FAF2: variants seen among roughly 807,000 people sequenced by gnomAD.
The protein encoded by FAF2 is Fas associated factor family member 2.
A neutral mutation model predicts 62.3 loss-of-function variants in FAF2; 9 were observed. The ratio of observed to expected loss-of-function variants is 0.14; its 90% CI spans 0.09 to 0.25. The LOEUF (loss-of-function observed/expected upper bound fraction) is 0.25, where lower values mean the gene tolerates loss of function less well. FAF2 is among the 10% of genes least tolerant of loss of function. The probability of loss-of-function intolerance (pLI) is 1.00; values close to 1 mark genes in which losing one functional copy is unlikely to be tolerated. For missense variants in FAF2, 368 were observed against 556.2 expected (o/e 0.66, Z 3.40); for synonymous variants, 202 against 198.0 (o/e 1.02, Z -0.17).
rs1345654568 is a variant in FAF2, at chr5:176,494,187, C to T, written c.573C>T (p.Asn191=). 4 of 1,613,892 alleles carry T rather than the reference C, an allele frequency of 2.5e-6. No individual in the cohort carries two copies. The highest frequency in any genetic ancestry group is 4.5e-5 in the East Asian group (2 of 44,886). ...DHQDSDEFCR[N]TLCAPEVISL... ...TCCTTTTCATACCTTTCCACAGCAA[C>T]ACACTCTGTGCACCTGAAGTTATTT... The change falls in exon 7 of 11, where the codon AAC becomes AAT. Residue 191 remains asparagine, a synonymous_variant. Coordinates refer to ENST00000261942, the MANE Select transcript of FAF2 (RefSeq NM_014613.3). This position sits in a 1 kb window ranked among gnomAD's most constrained non-coding sequence, Gnocchi z 4.0.
intron 1 of FAF2, among the ~76,000 whole-genome samples, chr5:176,455,358 A>C (rs1487308017): frequency 6.6e-6 from 1 of 152,094 alleles, no homozygotes; most frequent in Non-Finnish European, 1.5e-5. Flanking sequence ...CTGAGGTGGG[A>C]GCATCACCTT....
chr5:176,500,656 T>C (rs994352473), intron 10 of FAF2, among the ~76,000 whole-genome samples: 12 of 152,224 alleles, frequency 7.9e-5, no homozygotes, highest in Non-Finnish European at 1.3e-4. Context: ...CTACTTTATG[T>C]ATATGATAGC....
intron 1 of FAF2, among the ~76,000 whole-genome samples, chr5:176,473,385 A>G (rs1156856827): frequency 6.6e-6 from 1 of 152,202 alleles, no homozygotes; most frequent in Non-Finnish European, 1.5e-5. Context: ...TTACAGAGGT[A>G]AAGCACGATT....
intron 10 of FAF2, among the ~76,000 whole-genome samples, chr5:176,506,462 A>G (rs986107171): frequency 1.3e-5 from 2 of 152,192 alleles, no homozygotes; most frequent in African/African-American, 2.4e-5. Flanking sequence ...TATACTTCCA[A>G]CTTTTCTGTA....
In FAF2 at chr5:176,485,514, G is replaced by T. The variant is rs548436030; in HGVS notation, c.133-841G>T. Among the ~76,000 whole-genome samples, 4 of 152,316 alleles carry T rather than the reference G, an allele frequency of 2.6e-5. No homozygotes were observed. In the East Asian group the frequency reaches 5.8e-4, roughly 22 times the overall value. On this transcript the variant is annotated intron_variant, in intron 2 of 10. Transcript: ENST00000261942. ...AGGGAAAGATCAGACATCTCTTTGG[G>T]TAAGGTCAACTTTTTTTTACTACAT...
At chr5:176,453,185 A>C (rs1415482276) in intron 1 of FAF2, 3 of 152,202 alleles carry the variant, frequency 2.0e-5, no homozygotes, top group African/African-American at 7.2e-5. Context: ...GCTATTTCAG[A>C]TGGGAAAGAA....
At chr5:176,492,150 TGTA>T in intron 4 of FAF2, 41 bp from the exon 5 acceptor site, 1 of 1,612,950 alleles carries the variant, frequency 6.2e-7, no homozygotes, top group Non-Finnish European at 8.5e-7. Context: ...CGATATGCAC[TGTA>T]GTAAGCTGGA....
intron 1 of FAF2, among the ~76,000 whole-genome samples, chr5:176,464,739 A>T (rs1171207477): frequency 6.7e-6 from 1 of 149,748 alleles, no homozygotes; most frequent in African/African-American, 2.5e-5. Flanking sequence ...TCTTCAAGGG[A>T]TATTAGTTTT....
chr5:176,465,980 T>G (rs576790476), intron 1 of FAF2, among the ~76,000 whole-genome samples: 87 of 152,376 alleles, frequency 5.7e-4, no homozygotes, highest in African/African-American at 2.0e-3. Context: ...ATTATCTAGA[T>G]ATTCCTAGAC....
intron 1 of FAF2, among the ~76,000 whole-genome samples, chr5:176,460,513 C>CGCGTGTGTGT (rs1554131473): frequency 1.5e-5 from 2 of 132,626 alleles, no homozygotes; most frequent in Non-Finnish European, 3.2e-5. Flanking sequence ...TTTTTGGCCG[C>CGCGTGTGTGT]GTGTGTGTGT....
intron 2 of FAF2, among the ~76,000 whole-genome samples, chr5:176,483,309 T>C (rs1758815216): frequency 6.6e-6 from 1 of 152,214 alleles, no homozygotes; most frequent in Non-Finnish European, 1.5e-5. Context: ...TGTGCTTTTG[T>C]TGTCGTATCT....
At chr5:176,467,128 CCTTTTTTT>C (rs1361328846) in intron 1 of FAF2, among the ~76,000 whole-genome samples, 1 of 100,186 alleles carries the variant, frequency 1.0e-5, no homozygotes, top group East Asian at 3.8e-4. Flanking sequence ...TTTTTTTTTT[CCTTTTTTT>C]TTTTTTTTTT....
intron 7 of FAF2, among the ~76,000 whole-genome samples, chr5:176,496,222 T>TAATC (rs1307255176): frequency 6.6e-6 from 1 of 152,206 alleles, no homozygotes; most frequent in Non-Finnish European, 1.5e-5. Flanking sequence ...CACACTCCTG[T>TAATC]AATCCCTGCT....
At position 176,486,449 on chromosome 5, in the gene FAF2, A is replaced by G; in HGVS notation, c.227A>G (p.His76Arg). The change falls in exon 3 of 11, where the codon CAC becomes CGC. Residue 76 changes from histidine to arginine, a missense_variant. His to Arg is a conservative substitution (Grantham distance 29). Around this residue, in one of 2 missense-constraint regions of FAF2, gnomAD observed 331 missense variants for 441.9 expected, o/e 0.75. Transcript: ENST00000261942. ...SRPLQVNTAD[H>R]RIYSYVVSRP... ...CCCCTGCAGGTTAATACAGCTGACCACAGGATCTACAGCTATGTTGTCTCA... is the reference window on the plus strand; with the variant it reads ...CCCCTGCAGGTTAATACAGCTGACCGCAGGATCTACAGCTATGTTGTCTCA... 6.2e-7 allele frequency: 1 copy of G among 1,614,200 alleles called. No individual in the cohort carries two copies. The highest frequency in any genetic ancestry group is 8.5e-7 in the Non-Finnish European group (1 of 1,180,010).
At chr5:176,471,198 GACTTCATCTAT>G (rs928287861) in intron 1 of FAF2, among the ~76,000 whole-genome samples, 7 of 151,830 alleles carry the variant, frequency 4.6e-5, no homozygotes, top group African/African-American at 1.7e-4. Flanking sequence ...CTTTTCCCTG[GACTTCATCTAT>G]ATAATCTTGC....
chr5:176,464,577 C>T (rs1418373334), intron 1 of FAF2, among the ~76,000 whole-genome samples: 5 of 149,576 alleles, frequency 3.3e-5, no homozygotes, highest in Admixed American at 6.7e-5. Context: ...ACTGTAGCCT[C>T]GACCTCCCGG....
intron 3 of FAF2, among the ~76,000 whole-genome samples, chr5:176,487,704 T>G (rs1025305395): frequency 6.6e-6 from 1 of 152,192 alleles, no homozygotes; most frequent in Non-Finnish European, 1.5e-5. Flanking sequence ...TAATTAGCAT[T>G]ATTACTAAGA....
chr5:176,498,838 G>C, intron 8 of FAF2, 76 bp from the exon 9 acceptor site: 8 of 1,343,864 alleles, frequency 6.0e-6, no homozygotes, highest in Non-Finnish European at 8.0e-6. Context: ...CACACACACA[G>C]AAGATTTCAA....
intron 5 of FAF2, 114 bp downstream of exon 5, chr5:176,492,446 C>G: frequency 8.6e-7 from 1 of 1,161,096 alleles, no homozygotes; most frequent in South Asian, 1.8e-5. Context: ...TTAATTAGCT[C>G]TTCACTGCTT....
Sources: allele counts gnomAD v4.1 joint callset (sites outside exome capture counted in the v4.1 genomes callset), GRCh38; gene constraint gnomAD v4.1.1; regional missense constraint gnomAD v4.1.1; non-coding constraint Gnocchi (gnomAD v3.1); transcripts MANE v1.5; gene names NCBI Gene and HGNC (gene_info 2026-07-23, HGNC 2026-07-21).